Variants in PLEKHA8 observed in about 807,000 individuals in gnomAD.
PLEKHA8 encodes the protein pleckstrin homology domain containing A8.
A neutral mutation model predicts 68.2 loss-of-function variants in PLEKHA8; 36 were observed. That is an observed-to-expected ratio of 0.53 (90% CI 0.40 to 0.70). The LOEUF (loss-of-function observed/expected upper bound fraction) is 0.70. Among genes scored for constraint, PLEKHA8 ranks in the 30% least tolerant of loss-of-function variants. The pLI is 0.00. For synonymous variants in PLEKHA8, 211 were observed against 216.1 expected, an observed-to-expected ratio of 0.98 and a Z score of 0.20; for missense variants, 505 against 615.4, an observed-to-expected ratio of 0.82 and a Z score of 1.90.
downstream of PLEKHA8, among the ~76,000 whole-genome samples, chr7:30,090,924 G>C (rs772933711): frequency 6.6e-6 from 1 of 152,176 alleles, no homozygotes; most frequent in Non-Finnish European, 1.5e-5. Flanking sequence ...GCTTTGGGAG[G>C]CCAAGGCAGG....
chr7:30,043,312 A>C (rs924422494), intron 1 of PLEKHA8, among the ~76,000 whole-genome samples: 3 of 152,076 alleles, frequency 2.0e-5, no homozygotes, highest in Non-Finnish European at 4.4e-5. Context: ...TCACCTTCTG[A>C]AATAAAAATT....
intron 9 of PLEKHA8, among the ~76,000 whole-genome samples, chr7:30,056,247 A>C (rs1792849032): frequency 6.9e-6 from 1 of 145,224 alleles, no homozygotes; most frequent in African/African-American, 2.5e-5. Flanking sequence ...CCGGCCTGCA[A>C]AACATATTTT....
At chr7:30,102,306 A>T (rs1795881751) in intron 13 of PLEKHA8, among the ~76,000 whole-genome samples, 1 of 152,250 alleles carries the variant, frequency 6.6e-6, no homozygotes, top group Admixed American at 6.5e-5. Context: ...GATGTGGAGA[A>T]ATTGAATGTC....
chr7:30,099,611 G>A lies in PLEKHA8; in HGVS notation c.1362+25479G>A, dbSNP rs190135810. Among the ~76,000 whole-genome samples the A allele has an allele frequency of 4.0e-4, 61 of 152,266 alleles. 1 individual carries two copies. The highest frequency in any genetic ancestry group is 1.3e-3 in the African/African-American group (55 of 41,544). On this transcript the variant is annotated intron_variant, in intron 13 of 13. Coordinates refer to the PLEKHA8 transcript ENST00000396257. ...AACCAGCTCAGCCTCATCGACTTTTGTAGAGCACTACATCCAGGGAGAATA... is the reference window on the plus strand; with the variant it reads ...AACCAGCTCAGCCTCATCGACTTTTATAGAGCACTACATCCAGGGAGAATA...
intron 9 of PLEKHA8, among the ~76,000 whole-genome samples, chr7:30,058,906 C>T (rs894364509): frequency 2.6e-5 from 4 of 152,224 alleles, no homozygotes; most frequent in Admixed American, 6.5e-5. Context: ...GCAGGAGGAT[C>T]GCTTGAAACC....
At chr7:30,109,970 T>C (rs1038987559) in intron 13 of PLEKHA8, among the ~76,000 whole-genome samples, 3 of 152,190 alleles carry the variant, frequency 2.0e-5, no homozygotes, top group Non-Finnish European at 4.4e-5. Context: ...CAGTACAAGA[T>C]ACCACATTGC....
chr7:30,114,742 T>C (rs528865000), intron 13 of PLEKHA8, among the ~76,000 whole-genome samples: 43 of 152,274 alleles, frequency 2.8e-4, no homozygotes, highest in African/African-American at 9.6e-4. Flanking sequence ...GGGTTGTAAA[T>C]GTGTCCCTCA....
At position 30,046,236 on chromosome 7, in the gene PLEKHA8, G is replaced by C. The variant is rs771389834; in HGVS notation, c.184G>C (p.Asp62His). Residue 62 changes from aspartate (D) to histidine (H), a missense_variant, in exon 3 of 14, where the codon GAC becomes CAC. Physicochemically the swap from Asp to His is moderately conservative, Grantham distance 81. Coordinates refer to ENST00000449726, the MANE Select transcript of PLEKHA8 (RefSeq NM_001197026.2). ...TCATTCTGTAGATAATACACGCATG[G>C]ACCTGATAATCCCTGGGGAACAGTA... ...QVHSVDNTRM[D>H]LIIPGEQYFY... The C allele has an allele frequency of 6.2e-7, 1 of 1,612,576 alleles. No homozygotes were observed. The highest frequency in any genetic ancestry group is 1.7e-5 in the Admixed American group (1 of 59,906).
chr7:30,057,598 C>T (rs1431837996), intron 9 of PLEKHA8, among the ~76,000 whole-genome samples: 1 of 151,998 alleles, frequency 6.6e-6, no homozygotes, highest in Admixed American at 6.5e-5. Context: ...GCTGGGGTTA[C>T]AGGCCTGTGC....
downstream of PLEKHA8, among the ~76,000 whole-genome samples, chr7:30,089,425 C>A (rs1356936724): frequency 6.6e-6 from 1 of 151,758 alleles, no homozygotes; most frequent in African/African-American, 2.4e-5. Flanking sequence ...TCTGTCTGCT[C>A]AATGTCTGTG....
At chr7:30,077,057 C>CT (rs777427927) in intron 13 of PLEKHA8, among the ~76,000 whole-genome samples, 3 of 152,130 alleles carry the variant, frequency 2.0e-5, no homozygotes, top group Non-Finnish European at 2.9e-5. Context: ...CAGTTGAACT[C>CT]TATTACTGGT....
intron 13 of PLEKHA8, among the ~76,000 whole-genome samples, chr7:30,122,839 A>G (rs759344247): frequency 6.6e-6 from 1 of 152,234 alleles, no homozygotes; most frequent in Non-Finnish European, 1.5e-5. Flanking sequence ...TGTGCAAAGT[A>G]AAGGATGGAA....
intron 9 of PLEKHA8, 145 bp from the exon 10 acceptor site, chr7:30,060,739 C>T: frequency 1.5e-6 from 1 of 648,578 alleles, no homozygotes. Context: ...ATCCTGGGAG[C>T]TTTTGAAGAT....
At chr7:30,059,102 C>G (rs543640328) in intron 9 of PLEKHA8, among the ~76,000 whole-genome samples, 1 of 152,342 alleles carries the variant, frequency 6.6e-6, no homozygotes, top group South Asian at 2.1e-4. Context: ...TCCTAGTTGA[C>G]AGAGCAAGAC....
chr7:30,060,220 T>C (rs1793328098), intron 9 of PLEKHA8, among the ~76,000 whole-genome samples: 1 of 152,182 alleles, frequency 6.6e-6, no homozygotes. Flanking sequence ...GGTGGGCAGA[T>C]GACTTGAGAT....
Position 30,047,850 on chromosome 7 carries a change from A to T in PLEKHA8, c.332A>T (p.Glu111Val), listed in dbSNP as rs764851375. The T allele has an allele frequency of 5.6e-6, 9 of 1,609,694 alleles. No homozygotes were observed. The African/African-American group carries it at 1.1e-4, about 19-fold the overall frequency. ...QKEKEFAENT[E>V]NLKTKMSELR... ...CATTTAGAGTTTGCTGAAAACACTG[A>T]AAACTTGAAAACCAAAATGTCAGAA... is the stretch of plus-strand genomic sequence containing the variant. The change falls in exon 4 of 14, where the codon GAA (glutamate) becomes GTA (valine). Residue 111 changes from glutamate (E) to valine (V), a missense_variant. Physicochemically the swap from Glu to Val is moderately radical, Grantham distance 121. Coordinates refer to ENST00000449726, the MANE Select transcript of PLEKHA8 (RefSeq NM_001197026.2).
At chr7:30,096,162 G>C (rs989576480) in intron 13 of PLEKHA8, among the ~76,000 whole-genome samples, 3 of 152,142 alleles carry the variant, frequency 2.0e-5, no homozygotes, top group Non-Finnish European at 2.9e-5. Context: ...CATGAGCATG[G>C]AATGTTCTTC....
intron 13 of PLEKHA8, among the ~76,000 whole-genome samples, chr7:30,126,436 C>A (rs372405799): frequency 1.3e-5 from 2 of 152,190 alleles, no homozygotes; most frequent in African/African-American, 2.4e-5. Flanking sequence ...GAGTTACTTA[C>A]ATAAGGCTAA....
At position 30,079,427 on chromosome 7, in the gene PLEKHA8, A is replaced by G; in HGVS notation, c.*640A>G. 3 of 985,646 alleles carry G rather than the reference A, an allele frequency of 3.0e-6. No individual in the cohort carries two copies. Among genetic ancestry groups the G allele is most frequent in the Non-Finnish European group, 3.6e-6 (3 of 830,116 alleles). The allele number at this position is 985,646 out of a possible 1,614,324, so 61.1% of individuals were successfully genotyped here. A position where few individuals can be genotyped will look rare whatever the true frequency, so the allele number is the denominator to read the frequency against. On this transcript the variant is annotated 3_prime_UTR_variant, in exon 14 of 14. Transcript: ENST00000449726. Reference sequence around the variant, plus strand: ...TGAAACCGTTGCTCTGAGAAGATTAATGGTGTGCCCTAGCCCCAAGTTGGA... The same window carrying G: ...TGAAACCGTTGCTCTGAGAAGATTAGTGGTGTGCCCTAGCCCCAAGTTGGA...
Sources: allele counts gnomAD v4.1 joint callset (sites outside exome capture counted in the v4.1 genomes callset), GRCh38; gene constraint gnomAD v4.1.1; transcripts MANE v1.5; gene names NCBI Gene and HGNC (gene_info 2026-07-23, HGNC 2026-07-21).